RHOJ: variants seen among roughly 807,000 people sequenced by gnomAD.
RHOJ encodes the protein ras homolog family member J.
Under a neutral mutation model 23.4 loss-of-function variants are expected in RHOJ, and 11 were observed. The observed-to-expected ratio is 0.47, with a 90% CI of 0.30 to 0.78. RHOJ has a LOEUF of 0.78. Among genes scored for constraint, RHOJ ranks in the 30% least tolerant of loss-of-function variants. The pLI, the probability that RHOJ is intolerant of heterozygous loss-of-function variation, is 0.08. For synonymous variants in RHOJ, 102 were observed against 102.7 expected (o/e 0.99, Z 0.04); for missense variants, 254 against 273.4 (o/e 0.93, Z 0.50).
chr14:63,263,270 A>G (rs1208175717), intron 1 of RHOJ, among the ~76,000 whole-genome samples: 2 of 152,198 alleles, frequency 1.3e-5, no homozygotes, highest in African/African-American at 2.4e-5. Context: ...CACTATGTTT[A>G]CCATTAGCAT....
Position 63,246,033 on chromosome 14 carries a change from G to A in RHOJ, c.179-23077G>A, listed in dbSNP as rs187869191. On this transcript the variant is annotated intron_variant, in intron 1 of 4. Transcript: ENST00000316754. The stretch of plus-strand genomic sequence containing the variant: ...AGGATTCCTGGTGTTTCAAAGACCC[G>A]GCTTAGGAGTCTCCTGATTCCCCTC... 1.7e-3 allele frequency among the ~76,000 whole-genome samples: 259 copies of A among 152,198 alleles called. 2 individuals are homozygous for A. The highest frequency in any genetic ancestry group is 2.7e-3 in the Non-Finnish European group (183 of 68,010).
chr14:63,208,576 G>A (rs1357854701), intron 1 of RHOJ, among the ~76,000 whole-genome samples: 1 of 151,958 alleles, frequency 6.6e-6, no homozygotes, highest in African/African-American at 2.4e-5. Flanking sequence ...TTCTTGGCTT[G>A]GTTTCTGGGA....
intron 1 of RHOJ, among the ~76,000 whole-genome samples, chr14:63,243,564 T>G (rs1291377517): frequency 6.6e-6 from 1 of 152,100 alleles, no homozygotes; most frequent in Admixed American, 6.6e-5. Context: ...GGTCTCAAAC[T>G]CCTGACCTCA....
intron 1 of RHOJ, among the ~76,000 whole-genome samples, chr14:63,238,008 A>G (rs1047386956): frequency 8.5e-5 from 13 of 152,112 alleles, no homozygotes; most frequent in African/African-American, 3.1e-4. Flanking sequence ...GACCATATTC[A>G]CCACACTCTA....
At chr14:63,234,743 AAT>A (rs1389179592) in intron 1 of RHOJ, among the ~76,000 whole-genome samples, 1 of 152,206 alleles carries the variant, frequency 6.6e-6, no homozygotes, top group African/African-American at 2.4e-5. Context: ...TTTTCCAAAA[AAT>A]ATATATAAAT....
intron 2 of RHOJ, 76 bp downstream of exon 2, chr14:63,269,244 GGACTC>G: frequency 2.9e-6 from 3 of 1,038,018 alleles, no homozygotes; most frequent in Non-Finnish European, 4.5e-6. Context: ...TATGCAGATG[GGACTC>G]ATAGCACAGA....
chr14:63,272,070 T>C (rs888501297), intron 2 of RHOJ, among the ~76,000 whole-genome samples: 8 of 151,912 alleles, frequency 5.3e-5, no homozygotes, highest in African/African-American at 1.9e-4. Context: ...TTTTAAGAGA[T>C]CTCCAAATCA....
intron 1 of RHOJ, among the ~76,000 whole-genome samples, chr14:63,206,241 G>A (rs747291697): frequency 3.9e-5 from 6 of 152,184 alleles, no homozygotes; most frequent in Non-Finnish European, 8.8e-5. Flanking sequence ...AGTGAATACA[G>A]TATCCATTTC....
intron 1 of RHOJ, among the ~76,000 whole-genome samples, chr14:63,263,480 T>C (rs1295411859): frequency 6.6e-6 from 1 of 152,176 alleles, no homozygotes; most frequent in Non-Finnish European, 1.5e-5. Flanking sequence ...TCCTCTGGCA[T>C]AAACTGTGTG....
chr14:63,208,477 C>T (rs1350919710), intron 1 of RHOJ, among the ~76,000 whole-genome samples: 1 of 152,196 alleles, frequency 6.6e-6, no homozygotes, highest in African/African-American at 2.4e-5. Flanking sequence ...TCTTTCATGT[C>T]CTGTGAAATC....
chr14:63,227,924 T>C (rs1894623994), intron 1 of RHOJ, among the ~76,000 whole-genome samples: 1 of 152,234 alleles, frequency 6.6e-6, no homozygotes, highest in African/African-American at 2.4e-5. Context: ...CACATGGTCA[T>C]AGATTTATTA....
chr14:63,205,250 C>T (rs1894084177), intron 1 of RHOJ, among the ~76,000 whole-genome samples: 1 of 152,152 alleles, frequency 6.6e-6, no homozygotes, highest in Non-Finnish European at 1.5e-5. Context: ...ACACTTTTCC[C>T]CCGTAAAACG....
rs767850551 is a variant in RHOJ at position 63,272,626 on chromosome 14, C to G, written c.237+3458C>G. 2.0e-5 allele frequency among the ~76,000 whole-genome samples: 3 copies of G among 152,232 alleles called. No homozygotes were observed. The South Asian group carries it at 6.2e-4, about 32-fold the overall frequency. On this transcript the variant is annotated intron_variant, in intron 2 of 4. Coordinates refer to ENST00000316754, the MANE Select transcript of RHOJ (RefSeq NM_020663.5). The stretch of plus-strand genomic sequence containing the variant: ...AACAAAATCATTTGACCTGCTTTCC[C>G]TTGACTTTGAGGCACCTAGTCTGCC...
In RHOJ at chr14:63,282,874, C is replaced by T. The variant is rs1365817235; in HGVS notation, c.403-247C>T. Reference sequence around the variant, plus strand: ...CATCTGAGATAGCAACAGAATCATCCGAGTAGTCTTCAGCTTGCAGGGTAA... The same window carrying T: ...CATCTGAGATAGCAACAGAATCATCTGAGTAGTCTTCAGCTTGCAGGGTAA... On this transcript the variant is annotated intron_variant, in intron 3 of 4. Transcript: ENST00000316754. Among the ~76,000 whole-genome samples, 3 of 151,944 alleles carry T rather than the reference C, an allele frequency of 2.0e-5. 1 individual carries two copies. In the South Asian group the frequency reaches 6.2e-4, roughly 32 times the overall value.
At chr14:63,249,432 A>C (rs1273295025) in intron 1 of RHOJ, among the ~76,000 whole-genome samples, 5 of 152,194 alleles carry the variant, frequency 3.3e-5, no homozygotes, top group Admixed American at 3.3e-4. Context: ...TTTTGTGTCC[A>C]ATTAGTCTAC....
intron 1 of RHOJ, among the ~76,000 whole-genome samples, chr14:63,255,061 G>A (rs1895139038): frequency 6.6e-6 from 1 of 152,102 alleles, no homozygotes; most frequent in African/African-American, 2.4e-5. Context: ...TAATGACCCA[G>A]GGGAGCAAGA....
intron 1 of RHOJ, among the ~76,000 whole-genome samples, chr14:63,245,843 A>G (rs1894967212): frequency 6.6e-6 from 1 of 152,228 alleles, no homozygotes; most frequent in Admixed American, 6.5e-5. Context: ...GCAGTGGCCC[A>G]GGCCATCAGA....
intron 1 of RHOJ, among the ~76,000 whole-genome samples, chr14:63,256,037 T>TTTG (rs562807676): frequency 5.9e-4 from 90 of 151,960 alleles, no homozygotes; most frequent in Non-Finnish European, 1.2e-3. Context: ...CTAACTGTTT[T>TTTG]TTGTTGTTGT....
chr14:63,281,180 G>A, intron 3 of RHOJ, 45 bp downstream of exon 3: 1 of 1,559,674 alleles, frequency 6.4e-7, no homozygotes, highest in South Asian at 1.2e-5. Context: ...TGCAAAAATG[G>A]GAAGACCCTT....
Sources: gnomAD v4.1 joint callset for allele counts (sites outside exome capture counted in the v4.1 genomes callset) on GRCh38, gnomAD v4.1.1 for gene constraint, MANE v1.5 for transcripts, NCBI Gene and HGNC (gene_info 2026-07-23, HGNC 2026-07-21) for gene names.